Variants in BRAF observed in about 807,000 individuals in gnomAD.
The protein encoded by BRAF is serine/threonine-protein kinase B-raf.
In BRAF, 16 loss-of-function variants were observed where a neutral mutation model predicts 104.6. The observed-to-expected ratio is 0.15, with a 90% CI of 0.10 to 0.23. The LOEUF (loss-of-function observed/expected upper bound fraction) is 0.23, where lower values mean the gene tolerates loss of function less well. BRAF is among the 10% of genes least tolerant of loss of function. The pLI, the probability that BRAF is intolerant of heterozygous loss-of-function variation, is 1.00. For synonymous variants in BRAF, 310 were observed against 341.6 expected (o/e 0.91, Z 1.02); for missense variants, 541 against 937.3 (o/e 0.58, Z 5.52).
rs1400397880 is a variant in BRAF, at chr7:140,772,301, C to T, written c.1814+4611G>A. Among the ~76,000 whole-genome samples the T allele has an allele frequency of 6.6e-5, 10 of 151,754 alleles. No individual in the cohort carries two copies. In the East Asian group the frequency reaches 1.7e-3, roughly 26 times the overall value. On this transcript the variant is annotated intron_variant, in intron 14 of 19. Coordinates refer to ENST00000644969, the MANE Select transcript of BRAF (RefSeq NM_001374258.1). ...ACAACAACAACAACAACAACAACAA[C>T]AACAACAACAACAAAGTTCAATCAA...
chr7:140,801,712 G>A (rs1803134855), intron 5 of BRAF, 152 bp from the exon 6 acceptor site: 5 of 891,694 alleles, frequency 5.6e-6, no homozygotes, highest in Admixed American at 2.6e-5. Context: ...ATGAAAACCG[G>A]GGGTTCAAGA....
chr7:140,793,513 TTTATA>T (rs1308510478), intron 8 of BRAF, among the ~76,000 whole-genome samples: 1 of 151,926 alleles, frequency 6.6e-6, no homozygotes, highest in African/African-American at 2.4e-5. Context: ...AAGTTTTTCT[TTTATA>T]TTAATATTTA....
chr7:140,857,845 T>C (rs1809974009), intron 1 of BRAF, among the ~76,000 whole-genome samples: 1 of 152,036 alleles, frequency 6.6e-6, no homozygotes, highest in South Asian at 2.1e-4. Context: ...ACAGATGGTA[T>C]GCAAAAACAA....
chr7:140,803,891 C>T (rs542994032), intron 5 of BRAF, among the ~76,000 whole-genome samples: 1 of 152,196 alleles, frequency 6.6e-6, no homozygotes, highest in South Asian at 2.1e-4. Flanking sequence ...TTGTTCTTTG[C>T]TCTGTATTCT....
intron 14 of BRAF, among the ~76,000 whole-genome samples, chr7:140,762,780 G>A (rs1227462126): frequency 1.3e-5 from 2 of 152,128 alleles, no homozygotes; most frequent in Non-Finnish European, 2.9e-5. Flanking sequence ...GTGTTCCTGG[G>A]TACTTGAGAT....
chr7:140,788,110 C>T (rs1231496856), intron 8 of BRAF, among the ~76,000 whole-genome samples: 2 of 152,020 alleles, frequency 1.3e-5, no homozygotes, highest in Non-Finnish European at 2.9e-5. Context: ...CGTAACAACC[C>T]TGCACATCCT....
At chr7:140,903,477 T>C (rs924933004) in intron 1 of BRAF, among the ~76,000 whole-genome samples, 10 of 152,186 alleles carry the variant, frequency 6.6e-5, no homozygotes, top group South Asian at 2.1e-4. Flanking sequence ...TTACTACTCA[T>C]TGACAATGTG....
intron 1 of BRAF, among the ~76,000 whole-genome samples, chr7:140,864,971 G>A (rs548947489): frequency 6.6e-6 from 1 of 152,364 alleles, no homozygotes; most frequent in South Asian, 2.1e-4. Flanking sequence ...TGTAGAATTG[G>A]TGGTGAAAAG....
Position 140,753,190 on chromosome 7 carries a change from T to C in BRAF, c.1980+85A>G, listed in dbSNP as rs1455573862. The stretch of plus-strand genomic sequence containing the variant: ...ACTGGGAACTATGAAAATACTATAG[T>C]TGAGACCTTCAATGACTTTCTAGTA... On this transcript the variant is annotated intron_variant, in intron 16 of 19. Coordinates refer to ENST00000644969, the MANE Select transcript of BRAF (RefSeq NM_001374258.1). The C allele has an allele frequency of 2.2e-5, 21 of 940,478 alleles. No individual in the cohort carries two copies. In the East Asian group the frequency reaches 3.6e-4, roughly 16 times the overall value. 58.3% of individuals were successfully genotyped at this position (940,478 alleles called of 1,614,324 possible). A position where few individuals can be genotyped will look rare whatever the true frequency, so the allele number is the denominator to read the frequency against.
chr7:140,856,924 C>T (rs888808620), intron 1 of BRAF, among the ~76,000 whole-genome samples: 1 of 152,064 alleles, frequency 6.6e-6, no homozygotes, highest in South Asian at 2.1e-4. Flanking sequence ...AAATAACTGA[C>T]AACCTAGAAA....
At chr7:140,783,377 T>C (rs1801066608) in intron 10 of BRAF, 2 of 544,114 alleles carry the variant, frequency 3.7e-6, no homozygotes, top group African/African-American at 3.8e-5. Context: ...TTAAGATATC[T>C]GATGATAGAC....
rs1800632385 is a variant in BRAF, at chr7:140,779,354, A to AGG, written c.1553-1280_1553-1279insCC. Among the ~76,000 whole-genome samples, 4 of 152,290 alleles carry AGG rather than the reference A, an allele frequency of 2.6e-5. No individual in the cohort carries two copies. In the South Asian group the frequency reaches 8.3e-4, roughly 32 times the overall value. Reference sequence around the variant, plus strand: ...TGGGCTCAAGCCATTCTCCCACCTCAGCCTCCTCAATAGCTGGGAGTACAG... The same window carrying AGG: ...TGGGCTCAAGCCATTCTCCCACCTCAGGGCCTCCTCAATAGCTGGGAGTACAG... On this transcript the variant is annotated intron_variant, in intron 12 of 19. Transcript: ENST00000644969.
intron 8 of BRAF, among the ~76,000 whole-genome samples, chr7:140,793,132 A>T (rs1802149449): frequency 2.0e-5 from 3 of 152,236 alleles, no homozygotes; most frequent in African/African-American, 7.2e-5. Flanking sequence ...TGAAAAGGCA[A>T]GATACAAAGA....
intron 1 of BRAF, among the ~76,000 whole-genome samples, chr7:140,914,548 T>C (rs1473136614): frequency 1.3e-5 from 2 of 152,160 alleles, no homozygotes; most frequent in Non-Finnish European, 2.9e-5. Flanking sequence ...CCCATGGAAG[T>C]ATATATTAAT....
At chr7:140,731,508 A>AT (rs1444963409) in intron 19 of BRAF, 1 of 152,208 alleles carries the variant, frequency 6.6e-6, no homozygotes, top group Non-Finnish European at 1.5e-5. Flanking sequence ...ATTTCATAAT[A>AT]TTTTTTAAAA....
rs1306130135 is a variant in BRAF at position 140,850,214 on chromosome 7, TA to T, written c.139-3del. The T allele has an allele frequency of 1.3e-6, 2 of 1,585,656 alleles. No homozygotes were observed. Among genetic ancestry groups the T allele is most frequent in the Non-Finnish European group, 1.7e-6 (2 of 1,156,578 alleles). On this transcript the variant is annotated splice_region_variant and splice_polypyrimidine_tract_variant and intron_variant, in intron 1 of 19. Coordinates refer to ENST00000644969, the MANE Select transcript of BRAF (RefSeq NM_001374258.1). ...AATCATTTGTTTGATATTCCACACC[TA>T]AAAAATATTTCAAAAGAATTTAAAT...
In BRAF at chr7:140,801,600, A is replaced by T. The variant is rs71645952; in HGVS notation, c.712-40T>A. ...ATCACAGAGATTTCAAAAACTCACA[A>T]GAAAACTTTCTAGAAACTGACGTAT... On this transcript the variant is annotated intron_variant, in intron 5 of 19. Coordinates refer to ENST00000644969, the MANE Select transcript of BRAF (RefSeq NM_001374258.1). 2,473 of 1,596,448 alleles carry T rather than the reference A, an allele frequency of 1.5e-3. 36 individuals carry two copies. The African/African-American group carries it at 0.03, about 19-fold the overall frequency.
chr7:140,913,486 T>TC lies in BRAF; in HGVS notation c.138+11079_138+11080insG, dbSNP rs1333629284. Among the ~76,000 whole-genome samples the TC allele has an allele frequency of 3.7e-5, 5 of 134,616 alleles. No individual in the cohort carries two copies. In the East Asian group the frequency reaches 1.1e-3, roughly 29 times the overall value. The allele number at this position is 134,616 out of a possible 152,430, so 88.3% of individuals were successfully genotyped here. A position where few individuals can be genotyped will look rare whatever the true frequency, so the allele number is the denominator to read the frequency against. ...AATCACAGCTTTTTTTTTTTTTTTT[T>TC]TTTTTTTTTTTTTGTGAGACAGAGT... On this transcript the variant is annotated intron_variant, in intron 1 of 19. Transcript: ENST00000644969.
intron 2 of BRAF, among the ~76,000 whole-genome samples, chr7:140,842,858 T>G (rs1284127230): frequency 1.3e-5 from 2 of 152,154 alleles, no homozygotes; most frequent in Non-Finnish European, 2.9e-5. Flanking sequence ...CATCTAGAAC[T>G]GAAAAGATGG....
Sources: allele counts gnomAD v4.1 joint callset (sites outside exome capture counted in the v4.1 genomes callset), GRCh38; gene constraint gnomAD v4.1.1; transcripts MANE v1.5; gene names NCBI Gene and HGNC (gene_info 2026-07-23, HGNC 2026-07-21).